Variants in ERBB4 observed in about 807,000 individuals in gnomAD.
The protein encoded by ERBB4 is erb-b2 receptor tyrosine kinase 4.
Under a neutral mutation model 158.0 loss-of-function variants are expected in ERBB4, and 42 were observed. The ratio of observed to expected loss-of-function variants is 0.27; its 90% CI spans 0.21 to 0.34. The LOEUF (loss-of-function observed/expected upper bound fraction) is 0.34, where lower values mean the gene tolerates loss of function less well. ERBB4 is among the 10% of genes least tolerant of loss of function. The pLI is 1.00. For missense variants in ERBB4, 1,333 were observed against 1,624.1 expected (o/e 0.82, Z 3.08); for synonymous variants, 583 against 558.7 (o/e 1.04, Z -0.61).
chr2:211,554,744 G>A (rs114988449), intron 20 of ERBB4, among the ~76,000 whole-genome samples: 3,937 of 152,316 alleles, frequency 0.026, 78 homozygotes, highest in Middle Eastern at 0.055. Context: ...CTGACTTTGT[G>A]TAGAGAAAAC....
intron 3 of ERBB4, among the ~76,000 whole-genome samples, chr2:211,809,787 G>A (rs967656514): frequency 3.9e-5 from 6 of 152,130 alleles, no homozygotes; most frequent in Admixed American, 1.3e-4. Context: ...ATGTTAGGGT[G>A]TTGATTTTAG....
At chr2:211,881,062 C>T (rs1162317349) in intron 3 of ERBB4, among the ~76,000 whole-genome samples, 2 of 152,158 alleles carry the variant, frequency 1.3e-5, no homozygotes, top group Non-Finnish European at 2.9e-5. Context: ...AAGACCAGAG[C>T]TTTCCATGGA....
intron 19 of ERBB4, among the ~76,000 whole-genome samples, chr2:211,593,348 C>T (rs1019712427): frequency 1.3e-5 from 2 of 152,088 alleles, no homozygotes; most frequent in African/African-American, 2.4e-5. Context: ...AAAGTGGAAA[C>T]GTTGAGTGTA....
intron 2 of ERBB4, among the ~76,000 whole-genome samples, chr2:212,019,634 G>T (rs528671619): frequency 2.0e-4 from 30 of 151,802 alleles, no homozygotes; most frequent in Non-Finnish European, 3.7e-4. Flanking sequence ...ATGGTGGCGG[G>T]CGCCTGTAAT....
chr2:211,972,878 T>C (rs1354526689), intron 2 of ERBB4, among the ~76,000 whole-genome samples: 4 of 152,064 alleles, frequency 2.6e-5, no homozygotes, highest in Admixed American at 6.6e-5. Flanking sequence ...CCCACAGCAA[T>C]TGCAACTAAA....
At chr2:212,151,978 G>C (rs920020765) in intron 1 of ERBB4, among the ~76,000 whole-genome samples, 1 of 152,074 alleles carries the variant, frequency 6.6e-6, no homozygotes, top group African/African-American at 2.4e-5. Flanking sequence ...CTTTATTCTA[G>C]GCAATCATGA....
chr2:212,198,946 A>C (rs1263037407), intron 1 of ERBB4, among the ~76,000 whole-genome samples: 2 of 152,000 alleles, frequency 1.3e-5, no homozygotes, highest in Non-Finnish European at 2.9e-5. Context: ...GCTTTTGACT[A>C]TTATGAACAA....
intron 3 of ERBB4, among the ~76,000 whole-genome samples, chr2:211,823,568 G>A (rs2077038036): frequency 6.6e-6 from 1 of 151,808 alleles, no homozygotes; most frequent in South Asian, 2.1e-4. Context: ...ATTACTCTCA[G>A]CTGCAAATGG....
chr2:211,545,208 T>A (rs537394636), intron 20 of ERBB4, among the ~76,000 whole-genome samples: 1 of 152,032 alleles, frequency 6.6e-6, no homozygotes, highest in South Asian at 2.1e-4. Flanking sequence ...ACGCTTAACA[T>A]TTTTTTTAAA....
intron 2 of ERBB4, among the ~76,000 whole-genome samples, chr2:212,106,103 C>T (rs1043246435): frequency 2.0e-5 from 3 of 152,110 alleles, no homozygotes; most frequent in African/African-American, 4.8e-5. Flanking sequence ...GAGTGGGGCA[C>T]TGCTGAAAAG....
chr2:211,930,283 T>C (rs950256427), intron 3 of ERBB4, among the ~76,000 whole-genome samples: 7 of 152,278 alleles, frequency 4.6e-5, no homozygotes, highest in African/African-American at 1.7e-4. Flanking sequence ...ATCCATGGTC[T>C]TGTATCCAAG....
intron 20 of ERBB4, among the ~76,000 whole-genome samples, chr2:211,511,027 A>T (rs116605215): frequency 0.019 from 2,827 of 152,132 alleles, 105 homozygotes; most frequent in African/African-American, 0.064. Context: ...GGATTATGAA[A>T]AAACAACAAC....
intron 1 of ERBB4, among the ~76,000 whole-genome samples, chr2:212,427,025 G>T (rs1358077669): frequency 6.6e-6 from 1 of 152,038 alleles, no homozygotes; most frequent in Non-Finnish European, 1.5e-5. Context: ...GTATCTTCTT[G>T]TCATAGACAA....
At chr2:212,178,741 T>A (rs141416049) in intron 1 of ERBB4, among the ~76,000 whole-genome samples, 1 of 151,670 alleles carries the variant, frequency 6.6e-6, no homozygotes, top group Non-Finnish European at 1.5e-5. Flanking sequence ...AGTCAGAGAT[T>A]TGAAGATAAG....
chr2:211,502,907 T>C (rs1559233847), intron 20 of ERBB4, among the ~76,000 whole-genome samples: 2 of 152,120 alleles, frequency 1.3e-5, no homozygotes, highest in Admixed American at 1.3e-4. Context: ...AGTCACAGTA[T>C]CAGGTAAGCC....
intron 2 of ERBB4, among the ~76,000 whole-genome samples, chr2:212,051,703 C>G (rs1254906215): frequency 6.6e-6 from 1 of 152,154 alleles, no homozygotes; most frequent in Non-Finnish European, 1.5e-5. Flanking sequence ...CTCCTCAGTT[C>G]TTGACTATGG....
chr2:212,244,641 T>C (rs2106026636), intron 1 of ERBB4, among the ~76,000 whole-genome samples: 1 of 152,264 alleles, frequency 6.6e-6, no homozygotes, highest in South Asian at 2.1e-4. Context: ...ACTTTCCCTT[T>C]CTCAAACTTT....
chr2:211,735,492 T>C (rs2074572079), intron 5 of ERBB4, among the ~76,000 whole-genome samples: 1 of 152,166 alleles, frequency 6.6e-6, no homozygotes. Context: ...TGGAAACTGT[T>C]TTAAATACAA....
At chr2:211,840,229 A>G (rs2077440744) in intron 3 of ERBB4, among the ~76,000 whole-genome samples, 1 of 152,012 alleles carries the variant, frequency 6.6e-6, no homozygotes, top group Non-Finnish European at 1.5e-5. Flanking sequence ...ATGGTTTTCT[A>G]AAGGGGAGTT....
Sources: gnomAD v4.1 joint callset for allele counts (sites outside exome capture counted in the v4.1 genomes callset) on GRCh38, gnomAD v4.1.1 for gene constraint, MANE v1.5 for transcripts, NCBI Gene and HGNC (gene_info 2026-07-23, HGNC 2026-07-21) for gene names.